The following CNTN4 variants were observed in gnomAD, a reference collection of about 807,000 sequenced individuals.
CNTN4 encodes contactin-4.
A neutral mutation model predicts 122.5 loss-of-function variants in CNTN4; 77 were observed. The ratio of observed to expected loss-of-function variants is 0.63; its 90% CI spans 0.52 to 0.76. CNTN4 has a LOEUF of 0.76. Ranked by LOEUF, CNTN4 falls within the 30% of genes least tolerant of loss-of-function variation. CNTN4 has a pLI of 0.00. For synonymous variants in CNTN4, 512 were observed against 447.0 expected (o/e 1.15, Z -1.83); for missense variants, 1,256 against 1,259.1 (o/e 1.00, Z 0.04).
chr3:2,702,827 G>A (rs189468342), intron 4 of CNTN4, among the ~76,000 whole-genome samples: 2 of 152,166 alleles, frequency 1.3e-5, no homozygotes, highest in African/African-American at 2.4e-5. Flanking sequence ...GAGCACATTA[G>A]GCTATTATGA....
At chr3:2,437,224 T>C (rs937123359) in intron 3 of CNTN4, among the ~76,000 whole-genome samples, 1 of 152,192 alleles carries the variant, frequency 6.6e-6, no homozygotes, top group Non-Finnish European at 1.5e-5. Flanking sequence ...GGGAAGACTC[T>C]AATAATTAAG....
intron 13 of CNTN4, among the ~76,000 whole-genome samples, chr3:2,926,299 T>C (rs1163682144): frequency 2.0e-5 from 3 of 152,220 alleles, no homozygotes; most frequent in African/African-American, 7.2e-5. Flanking sequence ...TTCAACTACA[T>C]ATTTTTGAGA....
intron 2 of CNTN4, among the ~76,000 whole-genome samples, chr3:2,221,343 C>G (rs1033080412): frequency 2.6e-5 from 4 of 151,976 alleles, no homozygotes; most frequent in Non-Finnish European, 5.9e-5. Context: ...TGTCTTTTAG[C>G]TGATGTATAG....
At position 2,804,737 on chromosome 3, in the gene CNTN4, C is replaced by CTTTTTTTTTTTTTTTTTTTTT. The variant is rs370653933; in HGVS notation, c.359-14740_359-14739insTTTTTTTTTTTTTTTTTTTTT. On this transcript the variant is annotated intron_variant, in intron 6 of 24. Coordinates refer to ENST00000418658, the MANE Select transcript of CNTN4 (RefSeq NM_175607.3). ...CAACCACACCCACATATTTTGAGCACTTTTTTTTTGAGACAAGGTCTCTCT... is the reference window on the plus strand; with the variant it reads ...CAACCACACCCACATATTTTGAGCACTTTTTTTTTTTTTTTTTTTTTTTTTTTTTTGAGACAAGGTCTCTCT... Among the ~76,000 whole-genome samples the CTTTTTTTTTTTTTTTTTTTTT allele has an allele frequency of 2.0e-3, 293 of 144,714 alleles. 3 individuals are homozygous for CTTTTTTTTTTTTTTTTTTTTT. Among genetic ancestry groups the CTTTTTTTTTTTTTTTTTTTTT allele is most frequent in the East Asian group, 5.6e-3 (24 of 4,258 alleles). The allele number at this position is 144,714 out of a possible 152,430, so 94.9% of individuals were successfully genotyped here.
chr3:2,571,641 G>A (rs751815804), intron 4 of CNTN4, 83 bp downstream of exon 4: 6 of 997,340 alleles, frequency 6.0e-6, no homozygotes, highest in African/African-American at 1.6e-5. Context: ...CACTTTAGAC[G>A]GCAATGATAA....
chr3:3,043,321 G>A (rs955243971), intron 22 of CNTN4, among the ~76,000 whole-genome samples, 158 bp downstream of exon 22: 2 of 152,124 alleles, frequency 1.3e-5, no homozygotes, highest in African/African-American at 2.4e-5. Context: ...CGTATACCAC[G>A]CAAAATTCAT....
chr3:2,513,920 A>G (rs187662769), intron 3 of CNTN4, among the ~76,000 whole-genome samples: 1 of 152,288 alleles, frequency 6.6e-6, no homozygotes, highest in East Asian at 1.9e-4. Flanking sequence ...AAGTGCTATG[A>G]AAGAGAATAA....
At chr3:2,211,771 C>T (rs2038632535) in intron 2 of CNTN4, among the ~76,000 whole-genome samples, 1 of 152,080 alleles carries the variant, frequency 6.6e-6, no homozygotes, top group Non-Finnish European at 1.5e-5. Flanking sequence ...AGTCACCAAC[C>T]CATTTAGTCA....
At chr3:2,350,139 G>T (rs1422599933) in intron 3 of CNTN4, among the ~76,000 whole-genome samples, 1 of 152,158 alleles carries the variant, frequency 6.6e-6, no homozygotes, top group African/African-American at 2.4e-5. Flanking sequence ...GAGATAAGAT[G>T]AAATCTAACT....
intron 6 of CNTN4, among the ~76,000 whole-genome samples, chr3:2,781,501 G>A (rs141860006): frequency 1.3e-3 from 194 of 152,126 alleles, no homozygotes; most frequent in African/African-American, 3.0e-3. Context: ...AATACTTGAG[G>A]AGATATATTC....
At chr3:2,525,709 G>C (rs1357299604) in intron 3 of CNTN4, among the ~76,000 whole-genome samples, 2 of 152,032 alleles carry the variant, frequency 1.3e-5, no homozygotes, top group Non-Finnish European at 2.9e-5. Context: ...ATATTATCTG[G>C]AACACAATCA....
At chr3:2,929,338 T>C (rs1451391597) in intron 13 of CNTN4, among the ~76,000 whole-genome samples, 1 of 152,184 alleles carries the variant, frequency 6.6e-6, no homozygotes, top group Non-Finnish European at 1.5e-5. Flanking sequence ...CAGAAGGTAC[T>C]TTGAGGCAGG....
At chr3:3,025,490 T>A (rs1698651033) in intron 14 of CNTN4, among the ~76,000 whole-genome samples, 1 of 152,160 alleles carries the variant, frequency 6.6e-6, no homozygotes, top group African/African-American at 2.4e-5. Context: ...AAAATCGTAT[T>A]TGTCTCATTT....
rs141975258 is a variant in CNTN4, at chr3:2,124,925, A to G, written c.-145+24286A>G. Among the ~76,000 whole-genome samples, 765 of 152,290 alleles carry G rather than the reference A, an allele frequency of 5.0e-3. 2 individuals carry two copies. Among genetic ancestry groups the G allele is most frequent in the Non-Finnish European group, 8.7e-3 (595 of 68,026 alleles). ...AATAAATATATCTATTATCTCCAGA[A>G]GTTTCTTCCTGCCCCCGCTCCATGT... On this transcript the variant is annotated intron_variant, in intron 2 of 24. Coordinates refer to ENST00000418658, the MANE Select transcript of CNTN4 (RefSeq NM_175607.3).
chr3:2,957,026 C>T (rs2094806521), intron 13 of CNTN4, among the ~76,000 whole-genome samples: 1 of 152,086 alleles, frequency 6.6e-6, no homozygotes, highest in Admixed American at 6.6e-5. Flanking sequence ...GTTTCTTTAT[C>T]CATTAATCCC....
intron 6 of CNTN4, among the ~76,000 whole-genome samples, chr3:2,798,371 A>ATCTATCTATCTATCTG: frequency 6.7e-6 from 1 of 149,234 alleles, no homozygotes; most frequent in Admixed American, 6.8e-5. Context: ...ACATAAATCT[A>ATCTATCTATCTATCTG]TCTATCTATC....
At chr3:2,494,308 A>C (rs2076394945) in intron 3 of CNTN4, among the ~76,000 whole-genome samples, 1 of 152,190 alleles carries the variant, frequency 6.6e-6, no homozygotes, top group Non-Finnish European at 1.5e-5. Context: ...CATGTAAGGT[A>C]TACTTTGGTT....
rs1447803915 is a variant in CNTN4 at position 2,627,505 on chromosome 3, T to TG, written c.55+55947_55+55948insG. On this transcript the variant is annotated intron_variant, in intron 4 of 24. Coordinates refer to ENST00000418658, the MANE Select transcript of CNTN4 (RefSeq NM_175607.3). ...CATTAAGTGTCTTTTTTTTTTTTTT[T>TG]TTTTTTGAGATGGAATCTCACTCTG... is the stretch of plus-strand genomic sequence containing the variant. Among the ~76,000 whole-genome samples, 15 of 148,766 alleles carry TG rather than the reference T, an allele frequency of 1.0e-4. 1 individual carries two copies. The East Asian group carries it at 2.7e-3, about 27-fold the overall frequency.
At chr3:2,659,481 AAGAAG>A (rs1313334582) in intron 4 of CNTN4, among the ~76,000 whole-genome samples, 8 of 128,962 alleles carry the variant, frequency 6.2e-5, no homozygotes, top group East Asian at 2.1e-4. Context: ...AAAAAAAAAA[AAGAAG>A]AAGAAGAAGA....
Sources: gnomAD v4.1 joint callset for allele counts (sites outside exome capture counted in the v4.1 genomes callset) on GRCh38, gnomAD v4.1.1 for gene constraint, MANE v1.5 for transcripts, NCBI Gene and HGNC (gene_info 2026-07-23, HGNC 2026-07-21) for gene names.